The following SPIDR variants were observed in gnomAD, a reference collection of about 807,000 sequenced individuals.
The protein encoded by SPIDR is DNA repair-scaffolding protein.
Under a neutral mutation model 104.6 loss-of-function variants are expected in SPIDR, and 93 were observed. That is an observed-to-expected ratio of 0.89 (90% CI 0.75 to 1.06). The LOEUF is 1.06. Ranked by LOEUF, SPIDR falls within the 50% of genes least tolerant of loss-of-function variation. SPIDR has a pLI of 0.00. For synonymous variants in SPIDR, 431 were observed against 416.9 expected (o/e 1.03, Z -0.41); for missense variants, 1,154 against 1,111.2 (o/e 1.04, Z -0.55).
chr8:47,488,168 A>G (rs376927126), intron 8 of SPIDR, among the ~76,000 whole-genome samples: 3 of 152,162 alleles, frequency 2.0e-5, no homozygotes, highest in Non-Finnish European at 4.4e-5. Flanking sequence ...GATAAAGGGG[A>G]TATCACCACC....
At chr8:47,353,086 C>A in intron 5 of SPIDR, among the ~76,000 whole-genome samples, 1 of 147,890 alleles carries the variant, frequency 6.8e-6, no homozygotes, top group African/African-American at 2.5e-5. Flanking sequence ...GTTATTCTTT[C>A]CAAATATGAT....
rs147465222 is a variant in SPIDR at position 47,552,319 on chromosome 8, A to T, written c.1098-43492A>T. 2.6e-5 allele frequency among the ~76,000 whole-genome samples: 4 copies of T among 152,236 alleles called. No individual in the cohort carries two copies. In the East Asian group the frequency reaches 5.8e-4, roughly 22 times the overall value. ...GTGCAGAGCTGAGTTCAAGACCTGG[A>T]TATCCTTGTTTACTTTCTGTCACGT... On this transcript the variant is annotated intron_variant, in intron 8 of 19. Transcript: ENST00000297423.
chr8:47,279,844 T>C lies in SPIDR; in HGVS notation c.34-18T>C. ...TGTTTTTTTGTTTCGATTTTTCTTT[T>C]AAAAATCATCTCCACAGAGAAAAAG... On this transcript the variant is annotated intron_variant, in intron 1 of 19. Coordinates refer to ENST00000297423, the MANE Select transcript of SPIDR (RefSeq NM_001080394.4). 1.3e-6 allele frequency: 2 copies of C among 1,577,136 alleles called. No homozygotes were observed. Among genetic ancestry groups the C allele is most frequent in the Non-Finnish European group, 8.6e-7 (1 of 1,161,428 alleles).
At position 47,598,976 on chromosome 8, in the gene SPIDR, A is replaced by G. The variant is rs952862692; in HGVS notation, c.1324A>G (p.Thr442Ala). ...GTGTAGTGGTGTAGCCACTACAGGG[A>G]CAGCCTGGACCCATGGGCACAAAGA... Reference protein sequence around the residue: ...VVCSGVATTGTAWTHGHKEAK... With the variant: ...VVCSGVATTGAAWTHGHKEAK... Residue 442 changes from threonine to alanine, a missense_variant, in exon 10 of 20, where the codon ACA becomes GCA. Physicochemically the swap from Thr to Ala is moderately conservative, Grantham distance 58. Coordinates refer to ENST00000297423, the MANE Select transcript of SPIDR (RefSeq NM_001080394.4). 3 of 1,613,778 alleles carry G rather than the reference A, an allele frequency of 1.9e-6. No individual in the cohort carries two copies. Among genetic ancestry groups the G allele is most frequent in the African/African-American group, 2.7e-5 (2 of 74,914 alleles).
intron 5 of SPIDR, among the ~76,000 whole-genome samples, chr8:47,339,140 A>G (rs1228364047): frequency 1.3e-5 from 2 of 152,216 alleles, no homozygotes; most frequent in Non-Finnish European, 2.9e-5. Context: ...GAAATGATTC[A>G]CCATTCAAGA....
chr8:47,279,531 A>G (rs1298105794), intron 1 of SPIDR: 1 of 212,638 alleles, frequency 4.7e-6, no homozygotes, highest in African/African-American at 2.3e-5. Context: ...CCTAGTGAGC[A>G]CTGATGTCTA....
Position 47,348,013 on chromosome 8 carries a change from T to G in SPIDR, c.526-48363T>G, listed in dbSNP as rs565152163. 2.8e-4 allele frequency among the ~76,000 whole-genome samples: 42 copies of G among 152,268 alleles called. No homozygotes were observed. The South Asian group carries it at 8.7e-3, about 32-fold the overall frequency. ...TTATGATGTTAGCTGGTTATTTTGC[T>G]CGTTATTTGATGCAGTTTCTTCCTA... is the stretch of plus-strand genomic sequence containing the variant. On this transcript the variant is annotated intron_variant, in intron 5 of 19. Transcript: ENST00000297423.
At chr8:47,701,602 G>A (rs2080192956) in intron 12 of SPIDR, 119 bp from the exon 13 acceptor site, 1 of 955,698 alleles carries the variant, frequency 1.0e-6, no homozygotes, top group East Asian at 2.5e-5. Context: ...TAGCATTCCA[G>A]AGAGAGGATG....
At chr8:47,520,282 A>T (rs2083861013) in intron 8 of SPIDR, among the ~76,000 whole-genome samples, 1 of 152,144 alleles carries the variant, frequency 6.6e-6, no homozygotes, top group Admixed American at 6.5e-5. Flanking sequence ...CTTGTTAATG[A>T]TCAGTTGAAC....
intron 7 of SPIDR, among the ~76,000 whole-genome samples, chr8:47,426,364 T>A (rs1206673335): frequency 6.6e-6 from 1 of 152,016 alleles, no homozygotes; most frequent in Non-Finnish European, 1.5e-5. Context: ...GCCTTATGCC[T>A]TTTTATTCTT....
intron 5 of SPIDR, among the ~76,000 whole-genome samples, chr8:47,320,088 A>C (rs1203128238): frequency 6.6e-6 from 1 of 152,188 alleles, no homozygotes; most frequent in African/African-American, 2.4e-5. Flanking sequence ...GGCAAGAAAT[A>C]ACTAAGATCA....
At position 47,474,533 on chromosome 8, in the gene SPIDR, C is replaced by G. The variant is rs2076073960; in HGVS notation, c.1097+33991C>G. On this transcript the variant is annotated intron_variant, in intron 8 of 19. Coordinates refer to ENST00000297423, the MANE Select transcript of SPIDR (RefSeq NM_001080394.4). The stretch of plus-strand genomic sequence containing the variant: ...TTTCTGGTGGGAGTGACGGGCAGCT[C>G]TTTGCCTTTAGGAGATCTGTGAACT... Among the ~76,000 whole-genome samples, 3 of 152,170 alleles carry G rather than the reference C, an allele frequency of 2.0e-5. No homozygotes were observed. In the South Asian group the frequency reaches 6.2e-4, roughly 32 times the overall value.
At chr8:47,375,243 T>TC (rs1554641628) in intron 5 of SPIDR, among the ~76,000 whole-genome samples, 1 of 124,030 alleles carries the variant, frequency 8.1e-6, no homozygotes, top group African/African-American at 3.0e-5. Flanking sequence ...CTTTTTTTTT[T>TC]TTTTTTTTTT....
At chr8:47,520,424 C>A (rs1280314266) in intron 8 of SPIDR, among the ~76,000 whole-genome samples, 2 of 152,142 alleles carry the variant, frequency 1.3e-5, no homozygotes, top group Non-Finnish European at 2.9e-5. Context: ...TTGTATCAAG[C>A]AAGCTCCCAG....
At chr8:47,664,744 A>C (rs1483289439) in intron 10 of SPIDR, among the ~76,000 whole-genome samples, 2 of 39,890 alleles carry the variant, frequency 5.0e-5, no homozygotes, top group Non-Finnish European at 2.0e-4. Context: ...CCATCTCTAC[A>C]AAAAAAAAAA....
intron 8 of SPIDR, among the ~76,000 whole-genome samples, chr8:47,466,759 A>C (rs1350483805): frequency 6.6e-6 from 1 of 151,192 alleles, no homozygotes; most frequent in Non-Finnish European, 1.5e-5. Context: ...CAACTAAAAG[A>C]ACTAGAAAAC....
At chr8:47,581,592 C>G (rs2059702188) in intron 8 of SPIDR, among the ~76,000 whole-genome samples, 1 of 152,150 alleles carries the variant, frequency 6.6e-6, no homozygotes, top group Non-Finnish European at 1.5e-5. Flanking sequence ...TACCATCCAG[C>G]TTCAGCCTTT....
chr8:47,644,396 G>T (rs774565352), intron 10 of SPIDR, among the ~76,000 whole-genome samples: 1 of 152,224 alleles, frequency 6.6e-6, no homozygotes, highest in Non-Finnish European at 1.5e-5. Flanking sequence ...GGCACATTCT[G>T]TGATGATGAC....
intron 5 of SPIDR, among the ~76,000 whole-genome samples, chr8:47,370,955 C>T (rs753196580): frequency 2.0e-5 from 3 of 151,968 alleles, no homozygotes; most frequent in Non-Finnish European, 2.9e-5. Context: ...CTAGTGTCTC[C>T]TCTCCCATCC....
Sources: gnomAD v4.1 joint callset for allele counts (sites outside exome capture counted in the v4.1 genomes callset) on GRCh38, gnomAD v4.1.1 for gene constraint, MANE v1.5 for transcripts, NCBI Gene and HGNC (gene_info 2026-07-23, HGNC 2026-07-21) for gene names.